EMID1: variants seen among roughly 807,000 people sequenced by gnomAD.
EMID1 encodes EMI domain containing 1, also known as EMI domain-containing protein 1.
Under a neutral mutation model 60.6 loss-of-function variants are expected in EMID1, and 40 were observed. The observed-to-expected ratio is 0.66, with a 90% CI of 0.51 to 0.86. The LOEUF (loss-of-function observed/expected upper bound fraction) is 0.86, where lower values mean the gene tolerates loss of function less well. EMID1 is among the 40% of genes least tolerant of loss of function. The pLI is 0.00. For synonymous variants in EMID1, 242 were observed against 231.0 expected, an observed-to-expected ratio of 1.05 and a Z score of -0.43; for missense variants, 585 against 597.1, an observed-to-expected ratio of 0.98 and a Z score of 0.21.
At chr22:29,208,536 A>C (rs757971522) in intron 1 of EMID1, among the ~76,000 whole-genome samples, 1 of 152,200 alleles carries the variant, frequency 6.6e-6, no homozygotes, top group Non-Finnish European at 1.5e-5. Flanking sequence ...TCGCCCCTGC[A>C]GCACCGGCTT....
chr22:29,251,289 C>G (rs1328229990), intron 13 of EMID1, among the ~76,000 whole-genome samples: 2 of 151,516 alleles, frequency 1.3e-5, no homozygotes, highest in African/African-American at 2.4e-5. Context: ...GTCATGTGGG[C>G]TAGGCTGGTC....
Position 29,215,031 on chromosome 22 carries a change from G to T in EMID1, c.207G>T (p.Pro69=). The T allele has an allele frequency of 1.3e-6, 2 of 1,537,574 alleles. No individual in the cohort carries two copies. The highest frequency in any genetic ancestry group is 1.8e-6 in the Non-Finnish European group (2 of 1,137,050). The change falls in exon 2 of 15, where the codon CCG becomes CCT. Residue 69 remains proline, a synonymous_variant. Transcript: ENST00000334018. The part of the protein sequence containing the change: ...LQNCPWPMSC[P]GSSYRTVVRP... The stretch of plus-strand genomic sequence containing the variant: ...ACTGCCCCTGGCCCATGAGCTGTCC[G>T]GGGAGCAGGTAAATGAGGTGGAGAA...
rs2058075249 is a variant in EMID1, at chr22:29,259,202, G to C, written c.*258G>C. 1 of 529,244 alleles carries C rather than the reference G, an allele frequency of 1.9e-6. No individual in the cohort carries two copies. Among genetic ancestry groups the C allele is most frequent in the Non-Finnish European group, 3.2e-6 (1 of 308,204 alleles). 32.8% of individuals were successfully genotyped at this position (529,244 alleles called of 1,614,324 possible). A position where few individuals can be genotyped will look rare whatever the true frequency, so the allele number is the denominator to read the frequency against. Reference sequence around the variant, plus strand: ...AGGCAGGCCTTCAAGGAGGGATAGAGGTACAAGGCTTCGTCTCATCTGCTG... The same window carrying C: ...AGGCAGGCCTTCAAGGAGGGATAGACGTACAAGGCTTCGTCTCATCTGCTG... On this transcript the variant is annotated 3_prime_UTR_variant, in exon 15 of 15. Coordinates refer to ENST00000334018, the MANE Select transcript of EMID1 (RefSeq NM_133455.4).
At chr22:29,238,380 G>A (rs1011716197) in intron 12 of EMID1, among the ~76,000 whole-genome samples, 1 of 139,406 alleles carries the variant, frequency 7.2e-6, no homozygotes, top group African/African-American at 2.9e-5. Flanking sequence ...TCCACCTCTC[G>A]AGTAGCTGGG....
At chr22:29,248,996 G>C (rs910179076) in intron 13 of EMID1, among the ~76,000 whole-genome samples, 1 of 152,104 alleles carries the variant, frequency 6.6e-6, no homozygotes. Flanking sequence ...CAATTGTTCT[G>C]TCATTCTCTC....
chr22:29,221,124 T>TGTGTGTG (rs2040280672), intron 3 of EMID1, among the ~76,000 whole-genome samples: 1 of 80,696 alleles, frequency 1.2e-5, no homozygotes, highest in African/African-American at 4.4e-5. Context: ...TGTGTGTGTG[T>TGTGTGTG]AGGGCACGTG....
At chr22:29,246,514 A>T (rs1376683534) in intron 13 of EMID1, among the ~76,000 whole-genome samples, 1 of 152,212 alleles carries the variant, frequency 6.6e-6, no homozygotes, top group Admixed American at 6.5e-5. Flanking sequence ...TCGATGGAGC[A>T]AAAAGACACT....
intron 6 of EMID1, chr22:29,231,375 A>G: frequency 8.5e-6 from 7 of 818,966 alleles, no homozygotes; most frequent in Non-Finnish European, 1.2e-5. Flanking sequence ...GGTCGGGGGG[A>G]GCTGGGAGTG....
chr22:29,231,624 C>T lies in EMID1; in HGVS notation c.618C>T (p.Pro206=). The part of the protein sequence containing the change: ...DQVGAWGLPG[P]TGPKGDAGSR... ...TCGGTGCTTGGGGGCTTCCCGGGCCCACCGGCCCCAAGGGAGATGCCGGCA... is the reference window on the plus strand; with the variant it reads ...TCGGTGCTTGGGGGCTTCCCGGGCCTACCGGCCCCAAGGGAGATGCCGGCA... Residue 206 remains proline (P), a synonymous_variant, in exon 7 of 15, where the codon CCC becomes CCT. Coordinates refer to ENST00000334018, the MANE Select transcript of EMID1 (RefSeq NM_133455.4). The T allele has an allele frequency of 1.3e-6, 2 of 1,515,982 alleles. No individual in the cohort carries two copies. The highest frequency in any genetic ancestry group is 8.9e-7 in the Non-Finnish European group (1 of 1,128,404). 93.9% of individuals were successfully genotyped at this position (1,515,982 alleles called of 1,614,324 possible).
chr22:29,249,861 C>G (rs575098046), intron 13 of EMID1, among the ~76,000 whole-genome samples: 4 of 151,956 alleles, frequency 2.6e-5, no homozygotes, highest in Admixed American at 2.6e-4. Flanking sequence ...TTGATCTGCC[C>G]GCCTCAGCCT....
rs921807188 is a variant in EMID1, at chr22:29,226,644, C to G, written c.465+93C>G. Reference sequence around the variant, plus strand: ...ACCCTCCCCACCTCCTTCCCCGCACCCCATGCTCGCACCCTCAGTGAACCC... The same window carrying G: ...ACCCTCCCCACCTCCTTCCCCGCACGCCATGCTCGCACCCTCAGTGAACCC... On this transcript the variant is annotated intron_variant, in intron 5 of 14. Coordinates refer to ENST00000334018, the MANE Select transcript of EMID1 (RefSeq NM_133455.4). The G allele has an allele frequency of 1.1e-5, 14 of 1,306,302 alleles. No homozygotes were observed. In the African/African-American group the frequency reaches 2.1e-4, roughly 19 times the overall value. 80.9% of individuals were successfully genotyped at this position (1,306,302 alleles called of 1,614,324 possible). A position where few individuals can be genotyped will look rare whatever the true frequency, so the allele number is the denominator to read the frequency against.
At chr22:29,217,099 A>G (rs2040117653) in intron 3 of EMID1, among the ~76,000 whole-genome samples, 1 of 152,150 alleles carries the variant, frequency 6.6e-6, no homozygotes, top group Admixed American at 6.5e-5. Context: ...TCCCCAGGGC[A>G]TGGGGGCCGC....
Position 29,231,139 on chromosome 22 carries a change from G to A in EMID1, c.585G>A (p.Gln195=), listed in dbSNP as rs2040725235. 2 of 1,598,652 alleles carry A rather than the reference G, an allele frequency of 1.3e-6. No individual in the cohort carries two copies. Among genetic ancestry groups the A allele is most frequent in the African/African-American group, 2.7e-5 (2 of 74,330 alleles). The part of the protein sequence containing the change: ...AQGSPGDGGL[Q]DQVGAWGLPG... ...GCAGCCCCGGAGATGGAGGCCTCCA[G>A]GGTGAGTGTCAGACTCAGACTCCCC... Residue 195 remains glutamine (Q), a splice_region_variant and synonymous_variant, in exon 6 of 15, where the codon CAG becomes CAA. Coordinates refer to ENST00000334018, the MANE Select transcript of EMID1 (RefSeq NM_133455.4).
intron 3 of EMID1, among the ~76,000 whole-genome samples, chr22:29,217,887 C>CCT (rs886230798): frequency 6.6e-6 from 1 of 152,202 alleles, no homozygotes; most frequent in African/African-American, 2.4e-5. Context: ...ACTCTTGTCA[C>CCT]CTGCCCAGTG....
At chr22:29,248,765 G>A (rs879515663) in intron 13 of EMID1, among the ~76,000 whole-genome samples, 1 of 152,000 alleles carries the variant, frequency 6.6e-6, no homozygotes, top group East Asian at 1.9e-4. Context: ...CGCTTGAGCC[G>A]GGGAAGTCGA....
intron 14 of EMID1, chr22:29,255,205 T>TGG: frequency 1.7e-5 from 3 of 178,070 alleles, no homozygotes; most frequent in Non-Finnish European, 3.7e-5. Flanking sequence ...CCCTCCCCGC[T>TGG]TGGCTCCCCA....
intron 7 of EMID1, chr22:29,232,039 G>C (rs1008301909): frequency 1.6e-6 from 1 of 607,150 alleles, no homozygotes; most frequent in East Asian, 2.8e-5. Context: ...GGGTTTTGGG[G>C]GTTTGGGAGC....
chr22:29,207,963 G>T (rs1288184686), intron 1 of EMID1, among the ~76,000 whole-genome samples: 1 of 152,228 alleles, frequency 6.6e-6, no homozygotes, highest in African/African-American at 2.4e-5. Context: ...TGCTCTTACA[G>T]GCTTGATGTG....
rs1013377725 is a variant in EMID1 at position 29,238,451 on chromosome 22, C to G, written c.1074+4102C>G. 4.2e-5 allele frequency among the ~76,000 whole-genome samples: 6 copies of G among 141,972 alleles called. 1 individual carries two copies. The highest frequency in any genetic ancestry group is 9.0e-5 in the Non-Finnish European group (6 of 66,620). 93.1% of individuals were successfully genotyped at this position (141,972 alleles called of 152,430 possible). A position where few individuals can be genotyped will look rare whatever the true frequency, so the allele number is the denominator to read the frequency against. ...TTCTGTTTTGAGATGAAATCTCACT[C>G]TTGTCCCCAAGGCTGGAGTGCAATG... On this transcript the variant is annotated intron_variant, in intron 12 of 14. Transcript: ENST00000334018.
Sources: allele counts gnomAD v4.1 joint callset (sites outside exome capture counted in the v4.1 genomes callset), GRCh38; gene constraint gnomAD v4.1.1; transcripts MANE v1.5; gene names NCBI Gene and HGNC (gene_info 2026-07-23, HGNC 2026-07-21).